Variants in XPR1 observed in about 807,000 individuals in gnomAD.
The protein encoded by XPR1 is xenotropic and polytropic retrovirus receptor 1.
In XPR1, 28 loss-of-function variants were observed where a neutral mutation model predicts 87.5. That is an observed-to-expected ratio of 0.32 (90% CI 0.24 to 0.44). The LOEUF is 0.44. XPR1 is among the 20% of genes least tolerant of loss of function. XPR1 has a pLI of 1.00. For missense variants in XPR1, 559 were observed against 862.3 expected, an observed-to-expected ratio of 0.65 and a Z score of 4.41; for synonymous variants, 300 against 306.1, an observed-to-expected ratio of 0.98 and a Z score of 0.21.
intron 1 of XPR1, among the ~76,000 whole-genome samples, chr1:180,672,179 G>T (rs1656203409): frequency 6.6e-6 from 1 of 152,086 alleles, no homozygotes; most frequent in Non-Finnish European, 1.5e-5. Flanking sequence ...TCCTATTACA[G>T]ATTACATATA....
At chr1:180,655,972 C>T (rs1655450000) in intron 1 of XPR1, among the ~76,000 whole-genome samples, 2 of 151,812 alleles carry the variant, frequency 1.3e-5, no homozygotes, top group Admixed American at 1.3e-4. Flanking sequence ...ATCTAATTAT[C>T]CTCTCTTAGT....
chr1:180,702,423 G>A (rs1657375418), intron 2 of XPR1, among the ~76,000 whole-genome samples: 2 of 151,220 alleles, frequency 1.3e-5, no homozygotes, highest in South Asian at 4.2e-4. Context: ...GTTGATTTGG[G>A]GTGGAGAGTT....
chr1:180,794,842 T>C (rs1228468679), intron 3 of XPR1, among the ~76,000 whole-genome samples: 1 of 152,172 alleles, frequency 6.6e-6, no homozygotes, highest in Non-Finnish European at 1.5e-5. Flanking sequence ...GAGGCTGAAG[T>C]TGTAAGATAT....
At chr1:180,655,605 A>G (rs60280211) in intron 1 of XPR1, among the ~76,000 whole-genome samples, 6,534 of 152,084 alleles carry the variant, frequency 0.043, 499 homozygotes, top group African/African-American at 0.15. Context: ...AAAAATTTTC[A>G]TGAAGTCCAA....
chr1:180,649,445 A>C (rs925953836), intron 1 of XPR1, among the ~76,000 whole-genome samples: 1 of 152,080 alleles, frequency 6.6e-6, no homozygotes, highest in African/African-American at 2.4e-5. Context: ...AAAAACAAAA[A>C]CAAAAACAAA....
intron 2 of XPR1, among the ~76,000 whole-genome samples, chr1:180,709,170 C>T (rs1001546078): frequency 2.0e-5 from 3 of 152,258 alleles, no homozygotes; most frequent in African/African-American, 7.2e-5. Context: ...CCTCGGCCTC[C>T]CAAAGTGCTG....
intron 7 of XPR1, among the ~76,000 whole-genome samples, chr1:180,822,342 A>G (rs1056150863): frequency 5.9e-5 from 9 of 152,182 alleles, no homozygotes; most frequent in African/African-American, 2.2e-4. Context: ...GTCTTCCCCC[A>G]AACATCCCAA....
At chr1:180,789,837 A>G (rs1410087079) in intron 3 of XPR1, among the ~76,000 whole-genome samples, 4 of 152,052 alleles carry the variant, frequency 2.6e-5, no homozygotes, top group African/African-American at 9.7e-5. Context: ...TTCATCCTTT[A>G]CCTTCTTCAT....
intron 11 of XPR1, among the ~76,000 whole-genome samples, chr1:180,850,887 A>T (rs974363333): frequency 2.6e-5 from 4 of 151,462 alleles, no homozygotes; most frequent in African/African-American, 9.7e-5. Flanking sequence ...TGAGCCCAGG[A>T]GTTCAAAGTT....
intron 2 of XPR1, among the ~76,000 whole-genome samples, chr1:180,744,280 T>A (rs1659009609): frequency 6.6e-6 from 1 of 152,196 alleles, no homozygotes; most frequent in African/African-American, 2.4e-5. Flanking sequence ...GAGTTTTTAT[T>A]TTATTTGTTA....
chr1:180,771,439 G>C (rs571270294), intron 2 of XPR1, among the ~76,000 whole-genome samples: 1 of 152,196 alleles, frequency 6.6e-6, no homozygotes, highest in South Asian at 2.1e-4. Context: ...GTACTCAATC[G>C]TAGTGCAATT....
intron 2 of XPR1, among the ~76,000 whole-genome samples, chr1:180,735,226 A>G (rs1337035438): frequency 6.6e-6 from 1 of 152,266 alleles, no homozygotes; most frequent in Non-Finnish European, 1.5e-5. Context: ...AAATGGTTTT[A>G]AACAGATTTG....
intron 2 of XPR1, among the ~76,000 whole-genome samples, chr1:180,711,661 T>A (rs1336212254): frequency 3.9e-5 from 6 of 152,170 alleles, no homozygotes; most frequent in Non-Finnish European, 8.8e-5. Flanking sequence ...ACAAGACCTT[T>A]ATCAGATGTA....
chr1:180,821,360 C>G (rs200385852), intron 7 of XPR1, among the ~76,000 whole-genome samples: 3 of 152,230 alleles, frequency 2.0e-5, no homozygotes, highest in Non-Finnish European at 4.4e-5. Context: ...AATCAGCCAT[C>G]GATGTATAGG....
intron 2 of XPR1, among the ~76,000 whole-genome samples, chr1:180,682,959 TTTTTA>T (rs766636420): frequency 1.1e-4 from 16 of 152,054 alleles, no homozygotes; most frequent in East Asian, 3.8e-4. Context: ...TGGATATTCT[TTTTTA>T]TTTTATTTTA....
chr1:180,703,938 T>C (rs1657453294), intron 2 of XPR1, among the ~76,000 whole-genome samples: 1 of 152,032 alleles, frequency 6.6e-6, no homozygotes, highest in South Asian at 2.1e-4. Flanking sequence ...TTACAGAAAA[T>C]TCTGTTTGTT....
chr1:180,638,564 C>T (rs902682374), intron 1 of XPR1, among the ~76,000 whole-genome samples: 1 of 152,072 alleles, frequency 6.6e-6, no homozygotes, highest in Non-Finnish European at 1.5e-5. Context: ...ACAAATCATT[C>T]GTTCATTCCA....
chr1:180,852,233 G>C (rs1651887617), intron 11 of XPR1, among the ~76,000 whole-genome samples: 1 of 152,022 alleles, frequency 6.6e-6, no homozygotes, highest in South Asian at 2.1e-4. Context: ...ATTTTGTTTT[G>C]AGATAATTGT....
chr1:180,812,119 T>C (rs1431731216), intron 7 of XPR1, among the ~76,000 whole-genome samples: 1 of 150,984 alleles, frequency 6.6e-6, no homozygotes, highest in Non-Finnish European at 1.5e-5. Context: ...CACCACTTCT[T>C]GAAACACTTT....
Sources: allele counts gnomAD v4.1 joint callset (sites outside exome capture counted in the v4.1 genomes callset), GRCh38; gene constraint gnomAD v4.1.1; transcripts MANE v1.5; gene names NCBI Gene and HGNC (gene_info 2026-07-23, HGNC 2026-07-21).